The following SPTBN4 variants were observed in gnomAD, a reference collection of about 807,000 sequenced individuals.
SPTBN4 encodes spectrin beta chain, non-erythrocytic 4.
In SPTBN4, 96 loss-of-function variants were observed where a neutral mutation model predicts 277.8. The ratio of observed to expected loss-of-function variants is 0.35; its 90% CI spans 0.29 to 0.41. SPTBN4 has a LOEUF of 0.41. Among genes scored for constraint, SPTBN4 ranks in the 10% least tolerant of loss-of-function variants. The pLI, the probability that SPTBN4 is intolerant of heterozygous loss-of-function variation, is 1.00. For synonymous variants in SPTBN4, 1,481 were observed against 1,580.3 expected, an observed-to-expected ratio of 0.94 and a Z score of 1.49; for missense variants, 3,006 against 3,595.7, an observed-to-expected ratio of 0.84 and a Z score of 4.19.
At position 40,487,756 on chromosome 19, in the gene SPTBN4, C is replaced by T. The variant is rs893351915; in HGVS notation, c.229C>T (p.Arg77Cys). The change falls in exon 3 of 36, where the codon CGC becomes TGC. Residue 77 changes from arginine to cysteine, a missense_variant. This residue lies in a region of SPTBN4 where 114 missense variants were observed against 196.1 expected (regional missense o/e 0.58). Coordinates refer to ENST00000598249, the MANE Select transcript of SPTBN4 (RefSeq NM_020971.3). Reference sequence around the variant, plus strand: ...CAAGTGGGTGAACTCGCACCTCGCCCGCGTGGGCTGCCACATCGGGGACCT... The same window carrying T: ...CAAGTGGGTGAACTCGCACCTCGCCTGCGTGGGCTGCCACATCGGGGACCT... ...FTKWVNSHLARVGCHIGDLYV... is the reference protein window; with the variant it reads ...FTKWVNSHLACVGCHIGDLYV... 8 of 1,613,488 alleles carry T rather than the reference C, an allele frequency of 5.0e-6. No homozygotes were observed. The highest frequency in any genetic ancestry group is 6.8e-6 in the Non-Finnish European group (8 of 1,179,836).
Position 40,566,109 on chromosome 19 carries a change from C to T in SPTBN4, c.6140-54C>T, listed in dbSNP as rs2081089302. 15 of 1,449,172 alleles carry T rather than the reference C, an allele frequency of 1.0e-5. No individual in the cohort carries two copies. In the South Asian group the frequency reaches 2.2e-4, roughly 21 times the overall value. The allele number at this position is 1,449,172 out of a possible 1,614,324, so 89.8% of individuals were successfully genotyped here. On this transcript the variant is annotated intron_variant, in intron 29 of 35. Transcript: ENST00000598249. ...GAAGGCCAGGGGAACAGCCATTGCC[C>T]CCAGGAAGGGCCCCAGATGCCCCAG...
chr19:40,539,320 C>G (rs961820378), intron 20 of SPTBN4, among the ~76,000 whole-genome samples: 1 of 152,186 alleles, frequency 6.6e-6, no homozygotes, highest in Admixed American at 6.5e-5. Context: ...GGAAGGACCT[C>G]AATGCTCACC....
intron 2 of SPTBN4, among the ~76,000 whole-genome samples, chr19:40,481,811 G>T (rs1311436298): frequency 6.6e-6 from 1 of 151,964 alleles, no homozygotes; most frequent in Non-Finnish European, 1.5e-5. Flanking sequence ...CATTTTGGTG[G>T]CTGTGCATTC....
chr19:40,564,090 C>G (rs10409960), intron 27 of SPTBN4, among the ~76,000 whole-genome samples: 65,928 of 151,442 alleles, frequency 0.44, 15,078 homozygotes, highest in Non-Finnish European at 0.48. Flanking sequence ...TGCGGTGGCT[C>G]ACGCCTGTAA....
At chr19:40,471,217 G>GATT (rs1448688042) in intron 1 of SPTBN4, among the ~76,000 whole-genome samples, 1 of 152,106 alleles carries the variant, frequency 6.6e-6, no homozygotes, top group Non-Finnish European at 1.5e-5. Flanking sequence ...AAAGTGCTGG[G>GATT]ATTACATGCA....
At position 40,519,978 on chromosome 19, in the gene SPTBN4, G is replaced by C. The variant is rs2080507489; in HGVS notation, c.3481G>C (p.Gly1161Arg). ...AASEALLAAD[G>R]AELGPGLALD... ...CAGCGAGGCGCTGCTGGCCGCCGAC[G>C]GCGCAGAGCTGGGCCCGGGCCTGGC... The change falls in exon 16 of 36, where the codon GGC becomes CGC. Residue 1161 changes from glycine to arginine, a missense_variant. This residue lies in a region of SPTBN4 where 1,759 missense variants were observed against 2,061.5 expected (regional missense o/e 0.85). Coordinates refer to ENST00000598249, the MANE Select transcript of SPTBN4 (RefSeq NM_020971.3). This position sits in a 1 kb window ranked among gnomAD's most constrained non-coding sequence, Gnocchi z 5.7. 6.5e-7 allele frequency: 1 copy of C among 1,543,264 alleles called. No homozygotes were observed. Among genetic ancestry groups the C allele is most frequent in the Non-Finnish European group, 8.7e-7 (1 of 1,152,040 alleles).
At chr19:40,552,792 G>A (rs1439755905) in intron 22 of SPTBN4, among the ~76,000 whole-genome samples, 4 of 152,134 alleles carry the variant, frequency 2.6e-5, no homozygotes, top group African/African-American at 7.2e-5. Flanking sequence ...CTGGCTTATC[G>A]TTGTCATGGT....
Position 40,520,137 on chromosome 19 carries a change from G to A in SPTBN4, c.3640G>A (p.Val1214Met), listed in dbSNP as rs770712562. The A allele has an allele frequency of 6.9e-7, 1 of 1,442,788 alleles. No individual in the cohort carries two copies. Among genetic ancestry groups the A allele is most frequent in the South Asian group, 1.5e-5 (1 of 66,002 alleles). The allele number at this position is 1,442,788 out of a possible 1,614,324, so 89.4% of individuals were successfully genotyped here. A position where few individuals can be genotyped will look rare whatever the true frequency, so the allele number is the denominator to read the frequency against. The change falls in exon 16 of 36, where the codon GTG (valine) becomes ATG (methionine). Residue 1214 changes from valine (V) to methionine (M), a missense_variant. Around this residue, in one of 5 missense-constraint regions of SPTBN4, gnomAD observed 1,759 missense variants for 2,061.5 expected, o/e 0.85. Coordinates refer to ENST00000598249, the MANE Select transcript of SPTBN4 (RefSeq NM_020971.3). ...FLRDLRQALV[V>M]LRNQEMALSG... ...GCGGGATCTACGCCAGGCGCTCGTGGTGCTGCGTAACCAGGTGCCCACTCG... is the reference window on the plus strand; with the variant it reads ...GCGGGATCTACGCCAGGCGCTCGTGATGCTGCGTAACCAGGTGCCCACTCG...
At chr19:40,541,575 G>T (rs814511) in intron 20 of SPTBN4, among the ~76,000 whole-genome samples, 66,018 of 151,998 alleles carry the variant, frequency 0.43, 15,148 homozygotes, top group African/African-American at 0.48. Flanking sequence ...GGGCACTGGG[G>T]CCAGGCTGGG....
chr19:40,571,348 G>T lies in SPTBN4; in HGVS notation c.7319+620G>T, dbSNP rs73051858. Among the ~76,000 whole-genome samples the T allele has an allele frequency of 5.6e-3, 859 of 152,292 alleles. 5 individuals are homozygous for T. The highest frequency in any genetic ancestry group is 0.01 in the Non-Finnish European group (694 of 68,034). On this transcript the variant is annotated intron_variant, in intron 33 of 35. Transcript: ENST00000598249. ...ATCTCTTACAGGTTTCCAAATGAGGGTCTAGCCATGATGTGCCTGCTCTTG... is the reference window on the plus strand; with the variant it reads ...ATCTCTTACAGGTTTCCAAATGAGGTTCTAGCCATGATGTGCCTGCTCTTG...
intron 16 of SPTBN4, among the ~76,000 whole-genome samples, chr19:40,521,291 A>T (rs985322492): frequency 2.6e-5 from 4 of 152,182 alleles, no homozygotes; most frequent in Non-Finnish European, 5.9e-5. Flanking sequence ...AACCGGTGGG[A>T]AAAGGAGGAA....
intron 16 of SPTBN4, 99 bp from the exon 17 acceptor site, chr19:40,523,338 G>A: frequency 8.5e-7 from 1 of 1,170,474 alleles, no homozygotes. Flanking sequence ...TTCTATGCTT[G>A]CAAGGTTGCG....
At position 40,556,265 on chromosome 19, in the gene SPTBN4, G is replaced by A. The variant is rs374849113; in HGVS notation, c.5266G>A (p.Gly1756Ser). 3.1e-6 allele frequency: 5 copies of A among 1,613,234 alleles called. No homozygotes were observed. The highest frequency in any genetic ancestry group is 4.2e-6 in the Non-Finnish European group (5 of 1,179,720). The part of the protein sequence containing the change: ...KEVVAGSPEL[G>S]QDFEHVSVLQ... ...GGTGGTGGCTGGCTCACCCGAGCTC[G>A]GCCAGGACTTTGAGCATGTCTCGGT... The change falls in exon 25 of 36, where the codon GGC becomes AGC. Residue 1756 changes from glycine to serine, a missense_variant. By Grantham distance (56) the Gly-to-Ser change is moderately conservative. Around this residue, in one of 5 missense-constraint regions of SPTBN4, gnomAD observed 425 missense variants for 594.7 expected, o/e 0.71. Coordinates refer to ENST00000598249, the MANE Select transcript of SPTBN4 (RefSeq NM_020971.3).
intron 15 of SPTBN4, among the ~76,000 whole-genome samples, chr19:40,516,034 C>T (rs955601571): frequency 1.4e-5 from 2 of 142,274 alleles, no homozygotes; most frequent in African/African-American, 2.6e-5. Context: ...TATATATACA[C>T]ATATATATGT....
intron 30 of SPTBN4, chr19:40,566,961 C>G (rs2081097933): frequency 3.5e-6 from 1 of 286,002 alleles, no homozygotes. Flanking sequence ...CATCTCAAAA[C>G]AACAACAACA....
rs1599806607 is a variant in SPTBN4, at chr19:40,557,390, T to G, written c.5657T>G (p.Leu1886Arg). ...AGAGCCTTTGAGCATGACCTGCAGC[T>G]CCTCGTGTCCCAGGTGGGGCGCCGG... Reference protein sequence around the residue: ...TLRAFEHDLQLLVSQVRQLQE... With the variant: ...TLRAFEHDLQRLVSQVRQLQE... Residue 1886 changes from leucine to arginine, a missense_variant, in exon 26 of 36, where the codon CTC becomes CGC. Transcript: ENST00000598249. 1 of 1,565,854 alleles carries G rather than the reference T, an allele frequency of 6.4e-7. No individual in the cohort carries two copies. The highest frequency in any genetic ancestry group is 1.8e-5 in the Admixed American group (1 of 54,722).
Position 40,575,691 on chromosome 19 carries a change from G to A in SPTBN4, c.*122G>A, listed in dbSNP as rs1186619738. ...TTCCAACACTGAGGACGCGTGACAT[G>A]GTGGGCACCGGAAAGGAGGGGACTT... On this transcript the variant is annotated 3_prime_UTR_variant, in exon 36 of 36. Transcript: ENST00000598249. 7 of 1,251,738 alleles carry A rather than the reference G, an allele frequency of 5.6e-6. No individual in the cohort carries two copies. Among genetic ancestry groups the A allele is most frequent in the East Asian group, 2.6e-5 (1 of 38,102 alleles). 77.5% of individuals were successfully genotyped at this position (1,251,738 alleles called of 1,614,324 possible). A position where few individuals can be genotyped will look rare whatever the true frequency, so the allele number is the denominator to read the frequency against.
At position 40,519,455 on chromosome 19, in the gene SPTBN4, G is replaced by A. The variant is rs1470018181; in HGVS notation, c.2958G>A (p.Val986=). 11 of 1,606,594 alleles carry A rather than the reference G, an allele frequency of 6.8e-6. No homozygotes were observed. Among genetic ancestry groups the A allele is most frequent in the South Asian group, 1.1e-5 (1 of 90,078 alleles). Residue 986 remains valine (V), a synonymous_variant, in exon 16 of 36, where the codon GTG becomes GTA. Transcript: ENST00000598249. This position sits in a 1 kb window ranked among gnomAD's most constrained non-coding sequence, Gnocchi z 5.7. ...AGCGCAAAGAGGAAATGAGCGCGGT[G>A]CTGCTGGTGGAGAACCACGTGCTGG... ...VEQRKEEMSA[V]LLVENHVLEV...
chr19:40,556,229 GC>G lies in SPTBN4; in HGVS notation c.5232del (p.Glu1745ArgfsTer43). 6.2e-7 allele frequency: 1 copy of G among 1,613,738 alleles called. No homozygotes were observed. Among genetic ancestry groups the G allele is most frequent in the Non-Finnish European group, 8.5e-7 (1 of 1,179,962 alleles). On this transcript the variant is annotated frameshift_variant, in exon 25 of 36. Coordinates refer to ENST00000598249, the MANE Select transcript of SPTBN4 (RefSeq NM_020971.3). LOFTEE classifies it high-confidence loss of function. ...GGTGAGCGAGCTTGAGCACTGGATT[GC>G]CGAGAAGGAGGTGGTGGCTGGCTCA... ...RQVSELEHWI[A>X]EKEVVAGSPE...
Sources: gnomAD v4.1 joint callset for allele counts (sites outside exome capture counted in the v4.1 genomes callset) on GRCh38, gnomAD v4.1.1 for gene constraint, gnomAD v4.1.1 regional missense constraint, Gnocchi (gnomAD v3.1) non-coding constraint, MANE v1.5 for transcripts, NCBI Gene and HGNC (gene_info 2026-07-23, HGNC 2026-07-21) for gene names.